The following LARS1 variants were observed in gnomAD, a reference collection of about 807,000 sequenced individuals.
The protein encoded by LARS1 is leucine--tRNA ligase, cytoplasmic.
In LARS1, 100 loss-of-function variants were observed where a neutral mutation model predicts 162.8. That is an observed-to-expected ratio of 0.61 (90% CI 0.52 to 0.73). The LOEUF is 0.73. Ranked by LOEUF, LARS1 falls within the 30% of genes least tolerant of loss-of-function variation. The pLI, the probability that LARS1 is intolerant of heterozygous loss-of-function variation, is 0.00. For missense variants in LARS1, 1,258 were observed against 1,408.9 expected (o/e 0.89, Z 1.71); for synonymous variants, 457 against 462.8 (o/e 0.99, Z 0.16).
At chr5:146,139,342 C>CA (rs1752656846) in intron 21 of LARS1, among the ~76,000 whole-genome samples, 2 of 100,432 alleles carry the variant, frequency 2.0e-5, no homozygotes, top group Admixed American at 1.0e-4. Flanking sequence ...GATTCCATCA[C>CA]AACAAAAAAA....
At chr5:146,173,110 G>A (rs1754349515) in intron 2 of LARS1, among the ~76,000 whole-genome samples, 1 of 152,108 alleles carries the variant, frequency 6.6e-6, no homozygotes, top group Non-Finnish European at 1.5e-5. Flanking sequence ...CACTTTGGGA[G>A]GCCAAGGCTG....
intron 4 of LARS1, 145 bp from the exon 5 acceptor site, chr5:146,168,410 A>C (rs1448447214): frequency 3.8e-6 from 3 of 789,276 alleles, no homozygotes; most frequent in Non-Finnish European, 5.8e-6. Flanking sequence ...AGAAAACTGA[A>C]ACGGAGGCTG....
chr5:146,132,799 T>C, intron 23 of LARS1, 99 bp downstream of exon 23: 1 of 841,298 alleles, frequency 1.2e-6, no homozygotes, highest in Non-Finnish European at 1.7e-6. Context: ...ATTAGTTTAT[T>C]TTATTAAAAA....
intron 10 of LARS1, 82 bp from the exon 11 acceptor site, chr5:146,154,062 C>T: frequency 1.1e-6 from 1 of 949,446 alleles, no homozygotes; most frequent in South Asian, 1.7e-5. Flanking sequence ...TATTTTAAGC[C>T]CTGAGAAGCT....
intron 1 of LARS1, among the ~76,000 whole-genome samples, chr5:146,181,889 A>G (rs1754883492): frequency 1.2e-5 from 1 of 86,952 alleles, no homozygotes; most frequent in African/African-American, 4.5e-5. Context: ...TGCTGTAAGT[A>G]GGAATCAACT....
In LARS1 at chr5:146,159,066, G is replaced by A. The variant is rs922564426; in HGVS notation, c.771+341C>T. Among the ~76,000 whole-genome samples, 4 of 151,738 alleles carry A rather than the reference G, an allele frequency of 2.6e-5. No homozygotes were observed. The South Asian group carries it at 8.3e-4, about 32-fold the overall frequency. ...AGCCGAGATAGCACCACTGCAGTCCGGTCTGGGCTAAAGAGCAAGACTCCG... is the reference window on the plus strand; with the variant it reads ...AGCCGAGATAGCACCACTGCAGTCCAGTCTGGGCTAAAGAGCAAGACTCCG... On this transcript the variant is annotated intron_variant, in intron 8 of 31. Coordinates refer to ENST00000394434, the MANE Select transcript of LARS1 (RefSeq NM_020117.11).
intron 30 of LARS1, among the ~76,000 whole-genome samples, chr5:146,121,474 G>T (rs984973592): frequency 2.0e-5 from 3 of 151,904 alleles, no homozygotes; most frequent in African/African-American, 7.3e-5. Flanking sequence ...TCCCATTATT[G>T]GGTATATACC....
chr5:146,173,246 T>G (rs1326190246), intron 2 of LARS1, among the ~76,000 whole-genome samples: 1 of 151,632 alleles, frequency 6.6e-6, no homozygotes, highest in East Asian at 1.9e-4. Context: ...TGGTTAAGCA[T>G]GAGAATCAAG....
At chr5:146,139,280 T>C (rs1356928329) in intron 21 of LARS1, among the ~76,000 whole-genome samples, 2 of 150,152 alleles carry the variant, frequency 1.3e-5, no homozygotes, top group Admixed American at 1.3e-4. Context: ...GAGGTGGAGG[T>C]TGCAGTGAGC....
chr5:146,139,051 A>C, intron 21 of LARS1: 1 of 349,516 alleles, frequency 2.9e-6, no homozygotes, highest in East Asian at 8.3e-5. Flanking sequence ...AAAAAAAAAA[A>C]AAAAAAAATG....
chr5:146,159,955 A>G (rs982194295), intron 7 of LARS1, among the ~76,000 whole-genome samples: 1 of 152,088 alleles, frequency 6.6e-6, no homozygotes, highest in Non-Finnish European at 1.5e-5. Context: ...AAGATAATAA[A>G]AGCCCACCCT....
chr5:146,176,583 C>A (rs1754591576), intron 2 of LARS1, among the ~76,000 whole-genome samples: 1 of 151,954 alleles, frequency 6.6e-6, no homozygotes, highest in South Asian at 2.1e-4. Context: ...GTTACTATAA[C>A]CGTATTTCTT....
At chr5:146,180,945 T>C (rs1374134070) in intron 1 of LARS1, 1 of 152,238 alleles carries the variant, frequency 6.6e-6, no homozygotes, top group African/African-American at 2.4e-5. Flanking sequence ...TCCCTGCTTT[T>C]CACTTACACT....
At chr5:146,150,628 A>AAAAAAAAC (rs1315418370) in intron 14 of LARS1, among the ~76,000 whole-genome samples, 6 of 144,222 alleles carry the variant, frequency 4.2e-5, no homozygotes, top group Admixed American at 2.8e-4. Context: ...CTCCGTCTCA[A>AAAAAAAAC]AAAAAAAAAA....
rs72822275 is a variant in LARS1, at chr5:146,159,380, T to C, written c.771+27A>G. The C allele has an allele frequency of 4.4e-3, 6,880 of 1,555,374 alleles. 29 individuals carry two copies. Among genetic ancestry groups the C allele is most frequent in the South Asian group, 9.8e-3 (876 of 89,246 alleles). On this transcript the variant is annotated intron_variant, in intron 8 of 31. Coordinates refer to ENST00000394434, the MANE Select transcript of LARS1 (RefSeq NM_020117.11). ...ATAGTCTTATTAAGGATTATTATAA[T>C]AGCTACTCTGTCTCACAAATAATCA...
intron 1 of LARS1, chr5:146,179,740 C>T (rs1367886549): frequency 5.0e-6 from 2 of 400,454 alleles, no homozygotes; most frequent in Admixed American, 2.8e-5. Flanking sequence ...GCTGGGACTA[C>T]AGGCATATGC....
At chr5:146,135,692 T>C in intron 21 of LARS1, 28 bp from the exon 22 acceptor site, 3 of 1,518,544 alleles carry the variant, frequency 2.0e-6, no homozygotes, top group Non-Finnish European at 2.7e-6. Context: ...TGATCAATCA[T>C]TAATAACAGT....
chr5:146,181,897 A>G (rs1402978505), intron 1 of LARS1, among the ~76,000 whole-genome samples: 2 of 118,534 alleles, frequency 1.7e-5, no homozygotes, highest in African/African-American at 6.5e-5. Context: ...GTAGGAATCA[A>G]CTTACATACT....
chr5:146,176,464 A>AG (rs1554073925), intron 2 of LARS1, among the ~76,000 whole-genome samples: 2 of 151,498 alleles, frequency 1.3e-5, no homozygotes, highest in Admixed American at 6.6e-5. Flanking sequence ...AAAAAAAAAA[A>AG]AAAGAAAGAA....
Sources: gnomAD v4.1 joint callset for allele counts (sites outside exome capture counted in the v4.1 genomes callset) on GRCh38, gnomAD v4.1.1 for gene constraint, MANE v1.5 for transcripts, NCBI Gene and HGNC (gene_info 2026-07-23, HGNC 2026-07-21) for gene names.